CNTN3: variants seen among roughly 807,000 people sequenced by gnomAD.
CNTN3 encodes contactin 3.
A neutral mutation model predicts 119.1 loss-of-function variants in CNTN3; 60 were observed. The observed-to-expected ratio is 0.50, with a 90% CI of 0.41 to 0.62. The LOEUF (loss-of-function observed/expected upper bound fraction) is 0.62, where lower values mean the gene tolerates loss of function less well. Ranked by LOEUF, CNTN3 falls within the 20% of genes least tolerant of loss-of-function variation. CNTN3 has a pLI of 0.00. For synonymous variants in CNTN3, 450 were observed against 438.7 expected, an observed-to-expected ratio of 1.03 and a Z score of -0.32; for missense variants, 1,101 against 1,242.4, an observed-to-expected ratio of 0.89 and a Z score of 1.71.
chr3:74,334,494 C>T (rs1157534275), intron 13 of CNTN3, among the ~76,000 whole-genome samples: 2 of 152,116 alleles, frequency 1.3e-5, no homozygotes, highest in Non-Finnish European at 2.9e-5. Flanking sequence ...TGAAAAGTAA[C>T]ATTTACTATA....
At chr3:74,471,188 C>T (rs1702555325) in intron 4 of CNTN3, among the ~76,000 whole-genome samples, 1 of 151,956 alleles carries the variant, frequency 6.6e-6, no homozygotes, top group African/African-American at 2.4e-5. Flanking sequence ...CACACCAGGG[C>T]CTGTGCAGGG....
At chr3:74,436,323 A>T (rs1701865371) in intron 4 of CNTN3, among the ~76,000 whole-genome samples, 1 of 152,184 alleles carries the variant, frequency 6.6e-6, no homozygotes, top group South Asian at 2.1e-4. Context: ...AGTAAGGCTA[A>T]GGCTGAGGGC....
chr3:74,490,251 G>A (rs537891640), intron 3 of CNTN3, among the ~76,000 whole-genome samples: 31 of 152,240 alleles, frequency 2.0e-4, no homozygotes, highest in Non-Finnish European at 3.4e-4. Flanking sequence ...TGCTTGCAGC[G>A]GGAAAAGCTC....
chr3:74,420,884 G>A (rs933251352), intron 5 of CNTN3, among the ~76,000 whole-genome samples: 18 of 152,162 alleles, frequency 1.2e-4, no homozygotes, highest in Non-Finnish European at 1.8e-4. Context: ...AAGCTGGAGG[G>A]TTTTGTGCTG....
intron 13 of CNTN3, among the ~76,000 whole-genome samples, chr3:74,331,245 T>C (rs961086592): frequency 2.6e-5 from 4 of 152,202 alleles, no homozygotes; most frequent in Non-Finnish European, 4.4e-5. Flanking sequence ...GTATTTTTAC[T>C]GTACCATTTC....
chr3:74,318,769 G>C (rs186557286), intron 13 of CNTN3, among the ~76,000 whole-genome samples: 4 of 152,242 alleles, frequency 2.6e-5, no homozygotes, highest in African/African-American at 9.6e-5. Flanking sequence ...TGCCCCTACT[G>C]GGGGGTGCCT....
intron 5 of CNTN3, among the ~76,000 whole-genome samples, chr3:74,391,515 T>C (rs1704899921): frequency 6.6e-6 from 1 of 151,064 alleles, no homozygotes; most frequent in African/African-American, 2.4e-5. Flanking sequence ...AATTAAATGC[T>C]CAATAAATGT....
chr3:74,435,657 T>C (rs545618830), intron 4 of CNTN3, among the ~76,000 whole-genome samples: 1 of 152,360 alleles, frequency 6.6e-6, no homozygotes, highest in South Asian at 2.1e-4. Flanking sequence ...GACACTGTGA[T>C]AGAGATTTTC....
chr3:74,608,305 T>C (rs1298677778), intron 1 of CNTN3, among the ~76,000 whole-genome samples: 1 of 152,166 alleles, frequency 6.6e-6, no homozygotes, highest in Non-Finnish European at 1.5e-5. Context: ...GGATGACTGG[T>C]GAGACTGTTT....
chr3:74,288,488 C>A (rs1488767405), intron 19 of CNTN3, among the ~76,000 whole-genome samples: 1 of 151,970 alleles, frequency 6.6e-6, no homozygotes, highest in African/African-American at 2.4e-5. Context: ...ATTCAAATAT[C>A]AGGAACACAT....
At chr3:74,320,124 T>A (rs1483674584) in intron 13 of CNTN3, among the ~76,000 whole-genome samples, 1 of 152,140 alleles carries the variant, frequency 6.6e-6, no homozygotes, top group Admixed American at 6.5e-5. Flanking sequence ...TCCTCAGGGA[T>A]CTAGAACTAG....
intron 2 of CNTN3, among the ~76,000 whole-genome samples, chr3:74,517,211 C>A (rs1703465317): frequency 6.6e-6 from 1 of 151,948 alleles, no homozygotes; most frequent in African/African-American, 2.4e-5. Flanking sequence ...CAATGTATAA[C>A]CTGCATGTGC....
intron 1 of CNTN3, among the ~76,000 whole-genome samples, chr3:74,542,336 G>C (rs1377492148): frequency 6.6e-6 from 1 of 152,140 alleles, no homozygotes; most frequent in Non-Finnish European, 1.5e-5. Context: ...ACCAAGGCTT[G>C]GAACAAAGAT....
rs182580926 is a variant in CNTN3 at position 74,392,599 on chromosome 3, T to G, written c.455-21200A>C. ...AGAGAACTTGGTGCTAATGAGCATA[T>G]AGTAGCATACACGTTAGAGGAGTTC... is the stretch of plus-strand genomic sequence containing the variant. On this transcript the variant is annotated intron_variant, in intron 5 of 22. Transcript: ENST00000263665. Among the ~76,000 whole-genome samples, 502 of 152,290 alleles carry G rather than the reference T, an allele frequency of 3.3e-3. 5 individuals are homozygous for G. Among genetic ancestry groups the G allele is most frequent in the African/African-American group, 0.012 (479 of 41,574 alleles).
At chr3:74,347,916 C>T (rs997371992) in intron 11 of CNTN3, among the ~76,000 whole-genome samples, 1 of 152,044 alleles carries the variant, frequency 6.6e-6, no homozygotes, top group Non-Finnish European at 1.5e-5. Flanking sequence ...CATGGATGAA[C>T]CTAGAGGACA....
intron 9 of CNTN3, among the ~76,000 whole-genome samples, chr3:74,365,230 G>C (rs1489808309): frequency 6.6e-6 from 1 of 152,056 alleles, no homozygotes; most frequent in Non-Finnish European, 1.5e-5. Context: ...ACACCAAGTT[G>C]TTAAACAGGA....
At chr3:74,342,214 T>G (rs1461372985) in intron 11 of CNTN3, among the ~76,000 whole-genome samples, 1 of 152,178 alleles carries the variant, frequency 6.6e-6, no homozygotes, top group Non-Finnish European at 1.5e-5. Flanking sequence ...TGTTCTCATT[T>G]ACAACTGTAT....
At chr3:74,503,504 T>C (rs1230529540) in intron 2 of CNTN3, among the ~76,000 whole-genome samples, 3 of 152,066 alleles carry the variant, frequency 2.0e-5, no homozygotes, top group African/African-American at 7.2e-5. Context: ...ATGAAATAGG[T>C]GATGAGAGAT....
intron 17 of CNTN3, among the ~76,000 whole-genome samples, chr3:74,299,343 C>T (rs559411431): frequency 6.6e-6 from 1 of 152,250 alleles, no homozygotes; most frequent in Admixed American, 6.5e-5. Context: ...ACCTATTAAC[C>T]TTTTTCCTAC....
Sources: gnomAD v4.1 joint callset for allele counts (sites outside exome capture counted in the v4.1 genomes callset) on GRCh38, gnomAD v4.1.1 for gene constraint, MANE v1.5 for transcripts, NCBI Gene and HGNC (gene_info 2026-07-23, HGNC 2026-07-21) for gene names.